Variants in SAMD12 observed in about 807,000 individuals in gnomAD.
The protein encoded by SAMD12 is sterile alpha motif domain containing 12.
In SAMD12, 9 loss-of-function variants were observed where a neutral mutation model predicts 15.0. The observed-to-expected ratio is 0.60, with a 90% CI of 0.36 to 1.05. The LOEUF (loss-of-function observed/expected upper bound fraction) is 1.05. Among genes scored for constraint, SAMD12 ranks in the 50% least tolerant of loss-of-function variants. The pLI, the probability that SAMD12 is intolerant of heterozygous loss-of-function variation, is 0.01. For missense variants in SAMD12, 230 were observed against 234.2 expected (o/e 0.98, Z 0.12); for synonymous variants, 86 against 90.1 (o/e 0.96, Z 0.25).
At chr8:118,558,417 T>C (rs1826606298) in intron 2 of SAMD12, among the ~76,000 whole-genome samples, 1 of 152,376 alleles carries the variant, frequency 6.6e-6, no homozygotes, top group East Asian at 1.9e-4. Context: ...TATGGAACTT[T>C]AGAATTGTTA....
chr8:118,293,421 A>G (rs1373462934), intron 4 of SAMD12, among the ~76,000 whole-genome samples: 5 of 152,210 alleles, frequency 3.3e-5, no homozygotes, highest in Non-Finnish European at 7.3e-5. Flanking sequence ...TTTTGCCCAC[A>G]TTAGTGGTGA....
At chr8:118,289,891 T>C (rs1308985116) in intron 4 of SAMD12, among the ~76,000 whole-genome samples, 1 of 152,180 alleles carries the variant, frequency 6.6e-6, no homozygotes, top group Non-Finnish European at 1.5e-5. Flanking sequence ...GTTCCAAATG[T>C]AACTAGATCA....
intron 2 of SAMD12, among the ~76,000 whole-genome samples, chr8:118,519,930 G>GA (rs894818866): frequency 1.3e-5 from 2 of 151,900 alleles, no homozygotes; most frequent in South Asian, 2.1e-4. Context: ...TCAGAGCATT[G>GA]AAAAAAAAGT....
At chr8:118,346,315 C>T (rs1046817802) in intron 4 of SAMD12, among the ~76,000 whole-genome samples, 2 of 152,130 alleles carry the variant, frequency 1.3e-5, no homozygotes, top group African/African-American at 4.8e-5. Context: ...TGTCTTGAGG[C>T]TACTGTTTCC....
chr8:118,612,539 C>A (rs1179557227), intron 1 of SAMD12, among the ~76,000 whole-genome samples: 1 of 152,178 alleles, frequency 6.6e-6, no homozygotes, highest in Non-Finnish European at 1.5e-5. Flanking sequence ...ACCTGCATAG[C>A]CCCATTAATC....
intron 4 of SAMD12, among the ~76,000 whole-genome samples, chr8:118,220,999 T>C (rs1812072060): frequency 6.6e-6 from 1 of 151,962 alleles, no homozygotes; most frequent in African/African-American, 2.4e-5. Flanking sequence ...GCCTCTGGAA[T>C]TATTTGCGTA....
chr8:118,468,845 G>A (rs1184932816), intron 2 of SAMD12, among the ~76,000 whole-genome samples: 1 of 152,158 alleles, frequency 6.6e-6, no homozygotes, highest in African/African-American at 2.4e-5. Context: ...GCCAAGCTAA[G>A]GAGATATAGC....
intron 2 of SAMD12, among the ~76,000 whole-genome samples, chr8:118,444,045 C>G (rs1323242436): frequency 6.6e-6 from 1 of 152,188 alleles, no homozygotes; most frequent in Non-Finnish European, 1.5e-5. Context: ...ACACTCTCTT[C>G]ACAGCCATCC....
chr8:118,280,641 G>A (rs1813600800), intron 4 of SAMD12, among the ~76,000 whole-genome samples: 1 of 152,136 alleles, frequency 6.6e-6, no homozygotes, highest in African/African-American at 2.4e-5. Flanking sequence ...GCAAGCTCCA[G>A]GCAGCAGCAA....
At chr8:118,358,125 G>A (rs570246397) in intron 4 of SAMD12, among the ~76,000 whole-genome samples, 24 of 151,872 alleles carry the variant, frequency 1.6e-4, no homozygotes, top group Admixed American at 1.4e-3. Context: ...AGCCTGGGCA[G>A]TGGAGCGAGG....
At chr8:118,358,174 T>C (rs559084186) in intron 4 of SAMD12, among the ~76,000 whole-genome samples, 25 of 152,140 alleles carry the variant, frequency 1.6e-4, no homozygotes, top group African/African-American at 6.0e-4. Flanking sequence ...AAACAAACTT[T>C]CCTGTTTCAG....
chr8:118,592,554 GAAT>G lies in SAMD12; in HGVS notation c.14-11664_14-11662del, dbSNP rs369336434. ...ATGATAACTTCTTTATAATATTTTA[GAAT>G]AATTAAAGCATATTTAAAGTGTTTA... On this transcript the variant is annotated intron_variant, in intron 1 of 3. Coordinates refer to ENST00000314727, the MANE Select transcript of SAMD12 (RefSeq NM_207506.3). Among the ~76,000 whole-genome samples the G allele has an allele frequency of 3.6e-3, 549 of 152,192 alleles. 2 individuals are homozygous for G. The highest frequency in any genetic ancestry group is 0.013 in the African/African-American group (538 of 41,518).
At chr8:118,451,036 G>A (rs1372939614) in intron 2 of SAMD12, among the ~76,000 whole-genome samples, 2 of 152,066 alleles carry the variant, frequency 1.3e-5, no homozygotes, top group Non-Finnish European at 2.9e-5. Context: ...AAAACTTTAC[G>A]TAAATCATCT....
At chr8:118,156,504 C>T in the SAMD12 span, among the ~76,000 whole-genome samples, 1 of 152,132 alleles carries the variant, frequency 6.6e-6, no homozygotes, top group East Asian at 1.9e-4. Flanking sequence ...TGAAAGGGCT[C>T]TATGTGTGTA....
At chr8:118,164,842 C>CAT in the SAMD12 span, among the ~76,000 whole-genome samples, 108 of 151,324 alleles carry the variant, frequency 7.1e-4, no homozygotes, top group Non-Finnish European at 1.2e-3. Flanking sequence ...TATATACATA[C>CAT]ATATATATAT....
At chr8:118,317,593 T>A (rs1815985619) in intron 4 of SAMD12, among the ~76,000 whole-genome samples, 1 of 152,200 alleles carries the variant, frequency 6.6e-6, no homozygotes, top group Non-Finnish European at 1.5e-5. Context: ...ACTATTAGAA[T>A]TTGGCATTTA....
intron 1 of SAMD12, among the ~76,000 whole-genome samples, chr8:118,606,161 C>A (rs996764953): frequency 6.6e-6 from 1 of 152,114 alleles, no homozygotes; most frequent in Non-Finnish European, 1.5e-5. Flanking sequence ...CCCCCAAGAT[C>A]TTGGCCCTAG....
chr8:118,246,310 C>T (rs916781974), intron 4 of SAMD12, among the ~76,000 whole-genome samples: 1 of 152,136 alleles, frequency 6.6e-6, no homozygotes, highest in Non-Finnish European at 1.5e-5. Flanking sequence ...TAGGAATGGG[C>T]ACCAGTCTTT....
chr8:118,321,141 ATAAATATATATAT>A (rs1262970567), intron 4 of SAMD12, among the ~76,000 whole-genome samples: 1 of 75,862 alleles, frequency 1.3e-5, no homozygotes, highest in Non-Finnish European at 2.3e-5. Flanking sequence ...ATCATAGATA[ATAAATATATATAT>A]ATATATATAT....
Sources: gnomAD v4.1 joint callset for allele counts (sites outside exome capture counted in the v4.1 genomes callset) on GRCh38, gnomAD v4.1.1 for gene constraint, MANE v1.5 for transcripts, NCBI Gene and HGNC (gene_info 2026-07-23, HGNC 2026-07-21) for gene names.